Variants in SYCP1 observed in about 807,000 individuals in gnomAD.
The protein encoded by SYCP1 is synaptonemal complex protein 1, also known as cancer/testis antigen 8.
In SYCP1, 64 loss-of-function variants were observed where a neutral mutation model predicts 153.1. The ratio of observed to expected loss-of-function variants is 0.42; its 90% CI spans 0.34 to 0.51. The LOEUF (loss-of-function observed/expected upper bound fraction) is 0.51. SYCP1 is among the 20% of genes least tolerant of loss of function. SYCP1 has a pLI of 0.06. For missense variants in SYCP1, 997 were observed against 1,049.0 expected (o/e 0.95, Z 0.68); for synonymous variants, 384 against 341.8 (o/e 1.12, Z -1.36).
chr1:114,923,522 G>A lies in SYCP1; in HGVS notation c.1792G>A (p.Glu598Lys). The change falls in exon 21 of 32, where the codon GAA becomes AAA. Residue 598 changes from glutamate (E) to lysine (K), a missense_variant. Physicochemically the swap from Glu to Lys is moderately conservative, Grantham distance 56. Coordinates refer to ENST00000369522, the MANE Select transcript of SYCP1 (RefSeq NM_003176.4). Reference protein sequence around the residue: ...DEVKCKLDKSEENCNNLRKQV... With the variant: ...DEVKCKLDKSKENCNNLRKQV... ...AGTTAAATGTAAATTGGACAAGAGT[G>A]AAGAAAATGTATGTTATATTTAATA... The A allele has an allele frequency of 6.3e-7, 1 of 1,585,902 alleles. No individual in the cohort carries two copies. Among genetic ancestry groups the A allele is most frequent in the Non-Finnish European group, 8.6e-7 (1 of 1,162,670 alleles).
chr1:114,855,301 T>G, intron 1 of SYCP1, 140 bp from the exon 2 acceptor site: 1 of 444,426 alleles, frequency 2.3e-6, no homozygotes, highest in Admixed American at 4.1e-5. Flanking sequence ...GTTGTAGGGC[T>G]CCACTGTAGC....
At chr1:114,977,132 C>T (rs1489094644) in intron 27 of SYCP1, among the ~76,000 whole-genome samples, 1 of 151,828 alleles carries the variant, frequency 6.6e-6, no homozygotes, top group Admixed American at 6.6e-5. Flanking sequence ...CAAAGTCTAA[C>T]TGAACTGCAC....
intron 21 of SYCP1, among the ~76,000 whole-genome samples, chr1:114,924,719 G>A (rs1431970224): frequency 6.6e-6 from 1 of 152,086 alleles, no homozygotes; most frequent in Non-Finnish European, 1.5e-5. Context: ...GGAGTTTAAG[G>A]TAGTGGTGGT....
rs565945307 is a variant in SYCP1, at chr1:114,969,713, A to G, written c.2323-7844A>G. On this transcript the variant is annotated intron_variant, in intron 27 of 31. Transcript: ENST00000369522. ...GGTACAAAAACAAACACCTTCAGCTAGCTAGGTGTCTTCCCAAACACCCAC... is the reference window on the plus strand; with the variant it reads ...GGTACAAAAACAAACACCTTCAGCTGGCTAGGTGTCTTCCCAAACACCCAC... Among the ~76,000 whole-genome samples the G allele has an allele frequency of 4.6e-5, 7 of 152,282 alleles. 1 individual carries two copies. The highest frequency in any genetic ancestry group is 3.3e-4 in the Admixed American group (5 of 15,296).
chr1:114,977,669 C>T (rs1570904191), intron 28 of SYCP1, 53 bp downstream of exon 28: 1 of 1,132,698 alleles, frequency 8.8e-7, no homozygotes, highest in East Asian at 2.8e-5. Flanking sequence ...TTTCTAACTT[C>T]TACTTAGAAA....
intron 20 of SYCP1, among the ~76,000 whole-genome samples, chr1:114,915,604 A>G (rs1001240784): frequency 1.3e-5 from 2 of 152,210 alleles, no homozygotes; most frequent in Admixed American, 1.3e-4. Context: ...CTGGTCACAC[A>G]TTCATTCCAT....
chr1:114,855,398 GAAAAA>G lies in SYCP1; in HGVS notation c.-24-39_-24-35del, dbSNP rs200368422. ...ACATAGTGTATTCATGACACTCGGT[GAAAAA>G]AAACTTTCCTTCCCCTCCCGCCCCC... On this transcript the variant is annotated intron_variant, in intron 1 of 31. Transcript: ENST00000369522. The G allele has an allele frequency of 2.4e-6, 3 of 1,233,048 alleles. No individual in the cohort carries two copies. The South Asian group carries it at 3.9e-5, about 16-fold the overall frequency. The allele number at this position is 1,233,048 out of a possible 1,614,324, so 76.4% of individuals were successfully genotyped here.
intron 30 of SYCP1, among the ~76,000 whole-genome samples, chr1:114,989,282 A>C (rs1408067760): frequency 6.6e-6 from 1 of 152,026 alleles, no homozygotes; most frequent in Non-Finnish European, 1.5e-5. Flanking sequence ...AATTTGAATT[A>C]GATTGTTATA....
chr1:114,962,872 G>A (rs538451337), intron 27 of SYCP1, among the ~76,000 whole-genome samples: 5 of 152,192 alleles, frequency 3.3e-5, no homozygotes, highest in African/African-American at 9.6e-5. Context: ...TGGTAGTGGC[G>A]AATTCTCTCA....
At chr1:114,887,417 T>G (rs964596567) in intron 14 of SYCP1, among the ~76,000 whole-genome samples, 1 of 151,918 alleles carries the variant, frequency 6.6e-6, no homozygotes, top group African/African-American at 2.4e-5. Flanking sequence ...ATTACATAAA[T>G]GTAATATAGA....
Position 114,920,756 on chromosome 1 carries a change from T to C in SYCP1, c.1719-2693T>C, listed in dbSNP as rs149475084. Reference sequence around the variant, plus strand: ...CCTTCTTTGTCTCTTTTTATAGTTTTTGTATTGAAATCCATAATGTCTGGC... The same window carrying C: ...CCTTCTTTGTCTCTTTTTATAGTTTCTGTATTGAAATCCATAATGTCTGGC... On this transcript the variant is annotated intron_variant, in intron 20 of 31. Transcript: ENST00000369522. Among the ~76,000 whole-genome samples the C allele has an allele frequency of 7.2e-4, 109 of 152,334 alleles. 2 individuals carry two copies. In the East Asian group the frequency reaches 0.017, roughly 24 times the overall value.
At chr1:114,979,003 A>G (rs1672975077) in intron 28 of SYCP1, among the ~76,000 whole-genome samples, 1 of 151,680 alleles carries the variant, frequency 6.6e-6, no homozygotes, top group Non-Finnish European at 1.5e-5. Flanking sequence ...GTACAATTCT[A>G]TATGTTTCCA....
At chr1:114,959,561 T>C (rs1671653825) in intron 27 of SYCP1, among the ~76,000 whole-genome samples, 1 of 152,206 alleles carries the variant, frequency 6.6e-6, no homozygotes, top group Non-Finnish European at 1.5e-5. Context: ...ACCTCAAGCA[T>C]TTATCCTTTG....
intron 8 of SYCP1, among the ~76,000 whole-genome samples, chr1:114,866,874 T>C (rs1270140158): frequency 1.3e-5 from 2 of 151,984 alleles, no homozygotes; most frequent in Non-Finnish European, 2.9e-5. Context: ...TTAATTTTTG[T>C]TAAGGGTGTA....
At chr1:114,857,211 C>A (rs1664055230) in intron 3 of SYCP1, 21 bp from the exon 4 acceptor site, 1 of 1,558,946 alleles carries the variant, frequency 6.4e-7, no homozygotes, top group Non-Finnish European at 8.7e-7. Flanking sequence ...TATTTAATAC[C>A]TGTTGTCTTT....
At chr1:114,914,886 A>C (rs1668415822) in intron 20 of SYCP1, among the ~76,000 whole-genome samples, 1 of 152,090 alleles carries the variant, frequency 6.6e-6, no homozygotes, top group Admixed American at 6.6e-5. Context: ...TCAAGAACTA[A>C]AGTTGAGCAG....
chr1:114,915,086 TA>T (rs983227363), intron 20 of SYCP1, among the ~76,000 whole-genome samples: 51 of 137,374 alleles, frequency 3.7e-4, no homozygotes, highest in African/African-American at 7.0e-4. Context: ...GAAAAAAAAC[TA>T]AAAAAAAAAC....
At chr1:114,926,233 C>G in intron 21 of SYCP1, 45 bp from the exon 22 acceptor site, 1 of 1,359,532 alleles carries the variant, frequency 7.4e-7, no homozygotes. Context: ...CCTGTTTCAA[C>G]TGGTATACTG....
intron 27 of SYCP1, among the ~76,000 whole-genome samples, chr1:114,969,479 C>G (rs1235879762): frequency 6.6e-6 from 1 of 152,144 alleles, no homozygotes; most frequent in East Asian, 1.9e-4. Flanking sequence ...TAATGGTGGA[C>G]TCCCCTCCAC....
Sources: gnomAD v4.1 joint callset for allele counts (sites outside exome capture counted in the v4.1 genomes callset) on GRCh38, gnomAD v4.1.1 for gene constraint, MANE v1.5 for transcripts, NCBI Gene and HGNC (gene_info 2026-07-23, HGNC 2026-07-21) for gene names.